The following RIMS2 variants were observed in gnomAD, a reference collection of about 807,000 sequenced individuals.
RIMS2 encodes regulating synaptic membrane exocytosis 2, also known as regulating synaptic membrane exocytosis protein 2.
A neutral mutation model predicts 174.4 loss-of-function variants in RIMS2; 59 were observed. The ratio of observed to expected loss-of-function variants is 0.34; its 90% CI spans 0.27 to 0.42. The LOEUF is 0.42. Among genes scored for constraint, RIMS2 ranks in the 10% least tolerant of loss-of-function variants. The pLI is 1.00. For synonymous variants in RIMS2, 606 were observed against 572.5 expected, an observed-to-expected ratio of 1.06 and a Z score of -0.84; for missense variants, 1,620 against 1,666.3, an observed-to-expected ratio of 0.97 and a Z score of 0.48.
At chr8:103,514,633 T>C (rs1427404898) in intron 1 of RIMS2, among the ~76,000 whole-genome samples, 2 of 152,214 alleles carry the variant, frequency 1.3e-5, no homozygotes, top group Non-Finnish European at 1.5e-5. Context: ...GGTTTATTTA[T>C]TTATCTTTGG....
chr8:104,098,755 A>G (rs1379160195), intron 19 of RIMS2, among the ~76,000 whole-genome samples: 6 of 152,192 alleles, frequency 3.9e-5, no homozygotes, highest in Admixed American at 3.9e-4. Flanking sequence ...AATAATTGTT[A>G]ATGAAACATT....
intron 17 of RIMS2, among the ~76,000 whole-genome samples, chr8:104,006,140 C>T (rs536093822): frequency 1.3e-5 from 2 of 152,182 alleles, no homozygotes; most frequent in African/African-American, 2.4e-5. Context: ...TGACTCTAGC[C>T]TATCTTAGTT....
intron 3 of RIMS2, among the ~76,000 whole-genome samples, chr8:103,832,225 C>G (rs941778254): frequency 6.6e-6 from 1 of 151,974 alleles, no homozygotes; most frequent in African/African-American, 2.4e-5. Context: ...TCAACTTTGA[C>G]AATTTTTGCC....
At chr8:103,892,267 A>G (rs933948924) in intron 4 of RIMS2, among the ~76,000 whole-genome samples, 2 of 151,718 alleles carry the variant, frequency 1.3e-5, no homozygotes, top group Non-Finnish European at 2.9e-5. Context: ...GCAGTGGCTA[A>G]TCATAGCTCA....
chr8:104,074,424 T>C (rs1364422888), intron 19 of RIMS2, among the ~76,000 whole-genome samples: 1 of 152,122 alleles, frequency 6.6e-6, no homozygotes, highest in Non-Finnish European at 1.5e-5. Flanking sequence ...AAATGCTCAA[T>C]AAATAATGCA....
intron 3 of RIMS2, among the ~76,000 whole-genome samples, chr8:103,865,442 A>C (rs2099080435): frequency 2.0e-5 from 3 of 151,580 alleles, no homozygotes; most frequent in Admixed American, 1.3e-4. Context: ...ATGCCACCAC[A>C]CCCAGCTAAT....
At chr8:104,003,255 T>G (rs991442172) in intron 17 of RIMS2, among the ~76,000 whole-genome samples, 1 of 152,060 alleles carries the variant, frequency 6.6e-6, no homozygotes, top group African/African-American at 2.4e-5. Flanking sequence ...TAGATTGATG[T>G]GGAGGTGAGG....
chr8:104,139,674 G>A (rs999468787), intron 19 of RIMS2, among the ~76,000 whole-genome samples: 1 of 152,008 alleles, frequency 6.6e-6, no homozygotes, highest in Non-Finnish European at 1.5e-5. Context: ...TAGTCTTTAG[G>A]TTTTTCCAAA....
intron 19 of RIMS2, among the ~76,000 whole-genome samples, chr8:104,177,547 G>A (rs1353716490): frequency 6.6e-6 from 1 of 151,998 alleles, no homozygotes; most frequent in Non-Finnish European, 1.5e-5. Flanking sequence ...AATTACAAAA[G>A]TAAAATAAAT....
chr8:103,550,469 A>C (rs1190601725), intron 1 of RIMS2, among the ~76,000 whole-genome samples: 3 of 152,212 alleles, frequency 2.0e-5, no homozygotes, highest in Non-Finnish European at 4.4e-5. Flanking sequence ...TATAGAGGGA[A>C]ATTTATAGCA....
At chr8:103,959,437 T>G (rs2088992026) in intron 14 of RIMS2, among the ~76,000 whole-genome samples, 1 of 152,116 alleles carries the variant, frequency 6.6e-6, no homozygotes, top group African/African-American at 2.4e-5. Flanking sequence ...AATTTTTTTT[T>G]TTTGAGATGG....
chr8:103,702,971 GT>G (rs1331576579), intron 2 of RIMS2, among the ~76,000 whole-genome samples: 1 of 133,944 alleles, frequency 7.5e-6, no homozygotes, highest in East Asian at 2.1e-4. Context: ...GTTGTTGGGT[GT>G]TTTTGTGAGT....
intron 3 of RIMS2, among the ~76,000 whole-genome samples, chr8:103,863,608 T>C (rs1181703262): frequency 6.6e-6 from 1 of 152,048 alleles, no homozygotes; most frequent in Non-Finnish European, 1.5e-5. Context: ...TTTTTTTGGT[T>C]AATGATTCAA....
chr8:103,639,607 C>A (rs1589523295), intron 1 of RIMS2, among the ~76,000 whole-genome samples: 1 of 151,882 alleles, frequency 6.6e-6, no homozygotes, highest in Admixed American at 6.6e-5. Flanking sequence ...TTTAGTCATG[C>A]TGTTCATATC....
intron 4 of RIMS2, among the ~76,000 whole-genome samples, chr8:103,902,378 C>T (rs1461759057): frequency 2.6e-5 from 4 of 152,154 alleles, no homozygotes; most frequent in African/African-American, 9.7e-5. Context: ...CATCCCCCTA[C>T]CTTGTTTATG....
chr8:103,670,579 C>A (rs1196354190), intron 1 of RIMS2, among the ~76,000 whole-genome samples: 1 of 152,194 alleles, frequency 6.6e-6, no homozygotes, highest in Non-Finnish European at 1.5e-5. Flanking sequence ...TTAGAAATTT[C>A]TTCTGCCAGG....
chr8:104,041,826 A>G (rs1597608440), intron 19 of RIMS2, among the ~76,000 whole-genome samples: 1 of 151,728 alleles, frequency 6.6e-6, no homozygotes, highest in Admixed American at 6.6e-5. Context: ...ATATCACTGA[A>G]GAGTTAAGAG....
At chr8:103,650,602 C>T (rs1049687389) in intron 1 of RIMS2, among the ~76,000 whole-genome samples, 3 of 152,244 alleles carry the variant, frequency 2.0e-5, no homozygotes, top group African/African-American at 7.2e-5. Context: ...AGAATCCTTG[C>T]TGGAGTGGGT....
At chr8:104,100,950 T>TATATG in intron 19 of RIMS2, among the ~76,000 whole-genome samples, 1 of 131,118 alleles carries the variant, frequency 7.6e-6, no homozygotes, top group South Asian at 2.3e-4. Flanking sequence ...TATTATATAG[T>TATATG]ATATATGATA....
Sources: gnomAD v4.1 joint callset for allele counts (sites outside exome capture counted in the v4.1 genomes callset) on GRCh38, gnomAD v4.1.1 for gene constraint, MANE v1.5 for transcripts, NCBI Gene and HGNC (gene_info 2026-07-23, HGNC 2026-07-21) for gene names.